IGSF10: variants seen among roughly 807,000 people sequenced by gnomAD.
IGSF10 encodes immunoglobulin superfamily member 10, also known as calvaria mechanical force protein 608.
Under a neutral mutation model 128.2 loss-of-function variants are expected in IGSF10, and 126 were observed. The observed-to-expected ratio is 0.98, with a 90% confidence interval of 0.85 to 1.14. The LOEUF (loss-of-function observed/expected upper bound fraction) is 1.14, where lower values mean the gene tolerates loss of function less well. IGSF10 is among the 50% of genes most tolerant of loss of function. The probability of loss-of-function intolerance (pLI) is 0.00; values close to 1 mark genes in which losing one functional copy is unlikely to be tolerated. For synonymous variants in IGSF10, 1,185 were observed against 1,146.2 expected (o/e 1.03, Z -0.68); for missense variants, 3,295 against 3,149.8 (o/e 1.05, Z -1.10).
At chr3:151,569,841 A>G in the IGSF10 span, among the ~76,000 whole-genome samples, 4 of 152,066 alleles carry the variant, frequency 2.6e-5, no homozygotes, top group South Asian at 2.1e-4. Context: ...CCATTAACTC[A>G]TCATTTACAT....
intron 5 of IGSF10, among the ~76,000 whole-genome samples, chr3:151,450,241 G>C (rs1721447145): frequency 6.6e-6 from 1 of 152,158 alleles, no homozygotes; most frequent in South Asian, 2.1e-4. Context: ...TGGAATACTT[G>C]GTAAGAGGTA....
At chr3:151,487,383 G>T in the IGSF10 span, among the ~76,000 whole-genome samples, 3 of 152,106 alleles carry the variant, frequency 2.0e-5, no homozygotes, top group Admixed American at 6.6e-5. Flanking sequence ...CAGACTCACA[G>T]CCAAATTCTA....
the IGSF10 span, among the ~76,000 whole-genome samples, chr3:151,529,298 C>A: frequency 6.6e-6 from 1 of 152,212 alleles, no homozygotes; most frequent in Non-Finnish European, 1.5e-5. Flanking sequence ...ATGTAAACGT[C>A]CCTGCCTGAT....
the IGSF10 span, among the ~76,000 whole-genome samples, chr3:151,526,882 G>A: frequency 3.9e-5 from 6 of 152,274 alleles, no homozygotes; most frequent in Middle Eastern, 3.4e-3. Flanking sequence ...ACACTGGAGA[G>A]GCCAAAACTG....
the IGSF10 span, among the ~76,000 whole-genome samples, chr3:151,606,711 A>G: frequency 6.6e-6 from 1 of 152,198 alleles, no homozygotes; most frequent in Non-Finnish European, 1.5e-5. Context: ...GGAGATAGAC[A>G]CACACACATA....
chr3:151,606,092 T>G, the IGSF10 span, among the ~76,000 whole-genome samples: 5 of 152,148 alleles, frequency 3.3e-5, no homozygotes, highest in African/African-American at 9.7e-5. Flanking sequence ...GAAGAGAGGG[T>G]GGGCTCCTTA....
chr3:151,457,246 A>G, intron 3 of IGSF10, 91 bp from the exon 4 acceptor site: 1 of 1,181,082 alleles, frequency 8.5e-7, no homozygotes, highest in African/African-American at 1.5e-5. Flanking sequence ...AAAACTCAAT[A>G]CCTCTCTTTA....
chr3:151,463,542 T>TG (rs1560185544), upstream of IGSF10, among the ~76,000 whole-genome samples: 25 of 113,108 alleles, frequency 2.2e-4, no homozygotes, highest in Admixed American at 8.0e-4. Flanking sequence ...TTTTTTTTTT[T>TG]TTTTTTTTTT....
rs1211484184 is a variant in IGSF10, at chr3:151,445,138, T to A, written c.4843A>T (p.Asn1615Tyr). 6.2e-7 allele frequency: 1 copy of A among 1,614,052 alleles called. No individual in the cohort carries two copies. The highest frequency in any genetic ancestry group is 1.3e-5 in the African/African-American group (1 of 74,918). Residue 1615 changes from asparagine to tyrosine, a missense_variant, in exon 6 of 8, where the codon AAC becomes TAC. By Grantham distance (143) the Asn-to-Tyr change is moderately radical (BLOSUM62 -2). Coordinates refer to ENST00000282466, the MANE Select transcript of IGSF10 (RefSeq NM_178822.5). Reference sequence around the variant, plus strand: ...TTATCAAAGTCACTCTTCTTTGTGTTCTTCTGTCCATCCCAATCTGAAACA... The same window carrying A: ...TTATCAAAGTCACTCTTCTTTGTGTACTTCTGTCCATCCCAATCTGAAACA... ...TLVSDWDGQKNTKKSDFDKKP... is the reference protein window; with the variant it reads ...TLVSDWDGQKYTKKSDFDKKP...
At chr3:151,438,630 G>A (rs1310720722) in intron 7 of IGSF10, 33 bp from the exon 8 acceptor site, 3 of 1,550,276 alleles carry the variant, frequency 1.9e-6, no homozygotes, top group East Asian at 4.5e-5. Context: ...TGAGTGTGCA[G>A]CTGTTAGCAA....
the IGSF10 span, among the ~76,000 whole-genome samples, chr3:151,517,454 G>A: frequency 6.6e-6 from 1 of 151,894 alleles, no homozygotes; most frequent in Non-Finnish European, 1.5e-5. Flanking sequence ...AGTCTCCCTG[G>A]TGCACTGTAT....
rs1577675306 is a variant in IGSF10 at position 151,453,653 on chromosome 3, A to G, written c.446T>C (p.Phe149Ser). The change falls in exon 5 of 8, where the codon TTT (phenylalanine) becomes TCT (serine). Residue 149 changes from phenylalanine (F) to serine (S), a missense_variant. Phe to Ser is a radical substitution (Grantham distance 155). Transcript: ENST00000282466. ...NNIEFINPEV[F>S]YGLNFLRLVH... The stretch of plus-strand genomic sequence containing the variant: ...CAGGCGGAGAAAGTTGAGCCCATAA[A>G]AAACCTCTGGGTTTATAAACTCAAT... 1.2e-6 allele frequency: 2 copies of G among 1,614,024 alleles called. No individual in the cohort carries two copies. The highest frequency in any genetic ancestry group is 2.2e-5 in the South Asian group (2 of 91,074).
chr3:151,457,694 A>G (rs1441766900), intron 3 of IGSF10, among the ~76,000 whole-genome samples: 6 of 152,192 alleles, frequency 3.9e-5, no homozygotes, highest in Non-Finnish European at 8.8e-5. Context: ...AATGTAAATA[A>G]TAGAACTCAC....
chr3:151,515,211 A>G, the IGSF10 span, among the ~76,000 whole-genome samples: 3 of 152,060 alleles, frequency 2.0e-5, no homozygotes, highest in Admixed American at 2.0e-4. Flanking sequence ...AAGACTTGAA[A>G]CCAACCCAAA....
At chr3:151,591,653 T>C in the IGSF10 span, among the ~76,000 whole-genome samples, 2 of 151,920 alleles carry the variant, frequency 1.3e-5, no homozygotes, top group Non-Finnish European at 2.9e-5. Context: ...AGTGCAAAGT[T>C]CCTTCTAGAG....
intron 5 of IGSF10, among the ~76,000 whole-genome samples, chr3:151,452,965 AG>A (rs1035683749): frequency 7.9e-5 from 12 of 152,124 alleles, no homozygotes; most frequent in African/African-American, 2.9e-4. Flanking sequence ...GTGGTGTGGC[AG>A]GAAGTTGTCC....
chr3:151,454,098 A>G (rs1047240276), intron 4 of IGSF10, among the ~76,000 whole-genome samples: 46 of 149,876 alleles, frequency 3.1e-4, no homozygotes, highest in Admixed American at 3.3e-4. Context: ...GCTTACTGCA[A>G]CCTCCGCCTC....
chr3:151,613,872 A>G, the IGSF10 span, among the ~76,000 whole-genome samples: 2 of 152,304 alleles, frequency 1.3e-5, no homozygotes, highest in Admixed American at 6.5e-5. Flanking sequence ...AGAAACTACC[A>G]TCAGAATGAA....
chr3:151,594,108 C>T, the IGSF10 span, among the ~76,000 whole-genome samples: 2 of 152,100 alleles, frequency 1.3e-5, no homozygotes, highest in Admixed American at 1.3e-4. Flanking sequence ...CAAGTAGTTT[C>T]TATGTGGTCT....
Sources: gnomAD v4.1 joint callset for allele counts (sites outside exome capture counted in the v4.1 genomes callset) on GRCh38, gnomAD v4.1.1 for gene constraint, MANE v1.5 for transcripts, NCBI Gene and HGNC (gene_info 2026-07-23, HGNC 2026-07-21) for gene names.